Variants in USHBP1 observed in about 807,000 individuals in gnomAD.
USHBP1 encodes the protein USH1 protein network component harmonin binding protein 1.
USHBP1 carries 67 observed loss-of-function variants against 76.2 expected under a neutral mutation model. That is an observed-to-expected ratio of 0.88 (90% CI 0.72 to 1.08). USHBP1 has a LOEUF of 1.08. USHBP1 is among the 50% of genes least tolerant of loss of function. The pLI, the probability that USHBP1 is intolerant of heterozygous loss-of-function variation, is 0.00. For missense variants in USHBP1, 931 were observed against 915.0 expected (o/e 1.02, Z -0.23); for synonymous variants, 322 against 362.2 (o/e 0.89, Z 1.26).
chr19:17,254,272 G>A (rs559911667), intron 10 of USHBP1, among the ~76,000 whole-genome samples: 19 of 148,668 alleles, frequency 1.3e-4, no homozygotes, highest in South Asian at 2.2e-4. Flanking sequence ...GCGTGAACCC[G>A]GGAGGCGGAG....
chr19:17,263,087 G>T, intron 3 of USHBP1, 97 bp from the exon 4 acceptor site: 1 of 1,322,434 alleles, frequency 7.6e-7, no homozygotes. Context: ...GCCCAGCCTG[G>T]AGTGCAGTGG....
intron 12 of USHBP1, 48 bp from the exon 13 acceptor site, chr19:17,250,462 C>T (rs768506701): frequency 1.3e-6 from 2 of 1,587,824 alleles, no homozygotes; most frequent in South Asian, 1.1e-5. Flanking sequence ...CGAGTCCACC[C>T]AAGGCAAGGG....
chr19:17,259,467 C>T (rs776637210), intron 6 of USHBP1, 38 bp from the exon 7 acceptor site: 2 of 1,612,192 alleles, frequency 1.2e-6, no homozygotes, highest in Non-Finnish European at 1.7e-6. Context: ...AGTCAGAGGC[C>T]TTCTAAGGCA....
At chr19:17,254,722 G>A (rs938142894) in intron 10 of USHBP1, among the ~76,000 whole-genome samples, 9 of 151,630 alleles carry the variant, frequency 5.9e-5, no homozygotes, top group African/African-American at 2.2e-4. Flanking sequence ...ACATAATCGT[G>A]GCTCGCTGAA....
At chr19:17,261,673 C>A (rs1378978528) in intron 4 of USHBP1, among the ~76,000 whole-genome samples, 2 of 135,770 alleles carry the variant, frequency 1.5e-5, no homozygotes, top group East Asian at 4.4e-4. Flanking sequence ...AGTCTCACTC[C>A]GTCACCCAGG....
At chr19:17,253,220 G>A (rs986042697) in intron 10 of USHBP1, among the ~76,000 whole-genome samples, 12 of 151,800 alleles carry the variant, frequency 7.9e-5, no homozygotes, top group Non-Finnish European at 4.4e-5. Flanking sequence ...CGCCCAACTC[G>A]GCCTCCCAAA....
At position 17,262,649 on chromosome 19, in the gene USHBP1, C is replaced by T; in HGVS notation, c.545G>A (p.Trp182Ter). The change falls in exon 4 of 13, where the codon TGG (tryptophan) becomes TAG (stop). Residue 182 changes from tryptophan (W) to a stop codon, truncating the protein, a stop_gained. Coordinates refer to ENST00000252597, the MANE Select transcript of USHBP1 (RefSeq NM_031941.4). LOFTEE classifies it high-confidence loss of function. ...TCGGCTACTCAGGGCCAGCCGGAGC[C>T]AGGCATTCCTCTCGGCCAGGCGAGC... ...EAARLAERNA[W>*]LRLALSSRED... is the part of the protein sequence containing the mutation. 1 of 1,614,020 alleles carries T rather than the reference C, an allele frequency of 6.2e-7. No homozygotes were observed. The highest frequency in any genetic ancestry group is 2.2e-5 in the East Asian group (1 of 44,886).
rs779728918 is a variant in USHBP1 at position 17,252,028 on chromosome 19, C to T, written c.1693-11G>A. 62 of 1,546,164 alleles carry T rather than the reference C, an allele frequency of 4.0e-5. No individual in the cohort carries two copies. Among genetic ancestry groups the T allele is most frequent in the Non-Finnish European group, 5.3e-5 (61 of 1,146,800 alleles). ...GACAGCAGGAAGGCCCTAAGGGAGG[C>T]AGAAGACAAGAAAGTGACATTAACC... is the stretch of plus-strand genomic sequence containing the variant. On this transcript the variant is annotated splice_polypyrimidine_tract_variant and intron_variant, in intron 10 of 12. Coordinates refer to ENST00000252597, the MANE Select transcript of USHBP1 (RefSeq NM_031941.4).
At chr19:17,264,579 C>T (rs2073730489) in intron 1 of USHBP1, 92 bp downstream of exon 1, 1 of 490,664 alleles carries the variant, frequency 2.0e-6, no homozygotes, top group Non-Finnish European at 3.6e-6. Context: ...CGTCTTTGTC[C>T]ACTTTCCTCC....
In USHBP1 at chr19:17,264,667, C is replaced by T. The variant is rs1393449186; in HGVS notation, c.-49+4G>A. On this transcript the variant is annotated splice_donor_region_variant and intron_variant, in intron 1 of 12. Coordinates refer to ENST00000252597, the MANE Select transcript of USHBP1 (RefSeq NM_031941.4). ...TCCTAAATGAGAGGTTCAGCTCTCT[C>T]TACCTCTCTGATCCTCTGGGGGTAA... 1 of 287,424 alleles carries T rather than the reference C, an allele frequency of 3.5e-6. No individual in the cohort carries two copies. Among genetic ancestry groups the T allele is most frequent in the Non-Finnish European group, 6.6e-6 (1 of 151,100 alleles). The allele number at this position is 287,424 out of a possible 1,614,324, so 17.8% of individuals were successfully genotyped here.
chr19:17,258,351 C>T lies in USHBP1; in HGVS notation c.1081G>A (p.Ala361Thr). 6.2e-7 allele frequency: 1 copy of T among 1,613,940 alleles called. No individual in the cohort carries two copies. Residue 361 changes from alanine to threonine, a missense_variant, in exon 8 of 13, where the codon GCT (alanine) becomes ACT (threonine). By Grantham distance (58) the Ala-to-Thr change is moderately conservative (BLOSUM62 0). Coordinates refer to ENST00000252597, the MANE Select transcript of USHBP1 (RefSeq NM_031941.4). Reference sequence around the variant, plus strand: ...GCTCCTGAGTCGGCCTCCCGCAGAGCAAGCAGAACCCTGTATGCCTCTTCA... The same window carrying T: ...GCTCCTGAGTCGGCCTCCCGCAGAGTAAGCAGAACCCTGTATGCCTCTTCA... Reference protein sequence around the residue: ...HCEEAYRVLLALREADSGAGD... With the variant: ...HCEEAYRVLLTLREADSGAGD...
At chr19:17,256,267 A>C (rs1033004472) in intron 9 of USHBP1, among the ~76,000 whole-genome samples, 4 of 152,016 alleles carry the variant, frequency 2.6e-5, no homozygotes, top group African/African-American at 9.7e-5. Context: ...GGCATTTTGG[A>C]GAGCCAGATT....
At chr19:17,257,591 G>A (rs1226700222) in intron 8 of USHBP1, among the ~76,000 whole-genome samples, 11 of 144,544 alleles carry the variant, frequency 7.6e-5, no homozygotes, top group African/African-American at 7.7e-5. Flanking sequence ...GCAGTGAGCC[G>A]AGATCGGACC....
intron 10 of USHBP1, among the ~76,000 whole-genome samples, chr19:17,254,007 A>C (rs1419775813): frequency 6.6e-6 from 1 of 151,860 alleles, no homozygotes; most frequent in Non-Finnish European, 1.5e-5. Flanking sequence ...CAGGAGTTCT[A>C]CACCAGCCTG....
intron 7 of USHBP1, 98 bp downstream of exon 7, chr19:17,259,191 G>T: frequency 6.8e-7 from 1 of 1,477,794 alleles, no homozygotes; most frequent in East Asian, 2.4e-5. Flanking sequence ...TTCTGAAGTG[G>T]GGAAGGTGCT....
intron 10 of USHBP1, among the ~76,000 whole-genome samples, chr19:17,253,920 A>AGC (rs1444193901): frequency 1.3e-5 from 2 of 150,636 alleles, no homozygotes; most frequent in Non-Finnish European, 3.0e-5. Context: ...GAAAAAAAAA[A>AGC]TTAAAGGCCA....
At chr19:17,251,169 G>GTT (rs58204933) in intron 12 of USHBP1, among the ~76,000 whole-genome samples, 5 of 26,406 alleles carry the variant, frequency 1.9e-4, no homozygotes, top group Admixed American at 4.5e-4. Flanking sequence ...CCAGCCTGTT[G>GTT]TTTTTTTTTT....
At chr19:17,256,799 C>T (rs941375545) in intron 8 of USHBP1, 79 bp from the exon 9 acceptor site, 21 of 1,572,418 alleles carry the variant, frequency 1.3e-5, no homozygotes, top group Non-Finnish European at 1.7e-5. Context: ...CTGGTAGGGT[C>T]CATCACCTTC....
chr19:17,263,881 C>G, intron 3 of USHBP1, 121 bp downstream of exon 3: 2 of 1,327,734 alleles, frequency 1.5e-6, no homozygotes, highest in Non-Finnish European at 2.0e-6. Flanking sequence ...AAAAGAAAGT[C>G]AGGCTGAAGG....
Sources: allele counts gnomAD v4.1 joint callset (sites outside exome capture counted in the v4.1 genomes callset), GRCh38; gene constraint gnomAD v4.1.1; transcripts MANE v1.5; gene names NCBI Gene and HGNC (gene_info 2026-07-23, HGNC 2026-07-21).